CNBD1: variants seen among roughly 807,000 people sequenced by gnomAD.
The protein encoded by CNBD1 is cyclic nucleotide-binding domain-containing protein 1.
CNBD1 carries 71 observed loss-of-function variants against 54.4 expected under a neutral mutation model. The observed-to-expected ratio is 1.30, with a 90% CI of 1.08 to 1.59. The LOEUF (loss-of-function observed/expected upper bound fraction) is 1.59. Among genes scored for constraint, CNBD1 ranks in the 40% most tolerant of loss-of-function variants. The pLI is 0.00. For synonymous variants in CNBD1, 182 were observed against 170.7 expected (o/e 1.07, Z -0.51); for missense variants, 659 against 518.0 (o/e 1.27, Z -2.64).
intron 8 of CNBD1, among the ~76,000 whole-genome samples, chr8:87,347,898 C>T (rs1195290119): frequency 6.6e-6 from 1 of 152,182 alleles, no homozygotes; most frequent in African/African-American, 2.4e-5. Context: ...CTGATAATTT[C>T]TGTGACTAAT....
At chr8:86,882,352 G>C (rs1415512515) in intron 1 of CNBD1, among the ~76,000 whole-genome samples, 1 of 152,096 alleles carries the variant, frequency 6.6e-6, no homozygotes, top group Non-Finnish European at 1.5e-5. Context: ...GCATTAAAAA[G>C]TGGGCAAAGG....
chr8:87,363,126 A>G (rs942638252), intron 10 of CNBD1, among the ~76,000 whole-genome samples: 3 of 152,002 alleles, frequency 2.0e-5, no homozygotes, highest in Admixed American at 6.6e-5. Flanking sequence ...TTGTTGTGTT[A>G]GTTTGCTGAA....
intron 4 of CNBD1, among the ~76,000 whole-genome samples, chr8:86,955,285 A>C (rs1447706831): frequency 6.6e-6 from 1 of 152,162 alleles, no homozygotes; most frequent in Admixed American, 6.5e-5. Context: ...TAGTGCCCCA[A>C]AAAACATACG....
chr8:86,961,399 C>A (rs1220995525), intron 4 of CNBD1, among the ~76,000 whole-genome samples: 1 of 152,212 alleles, frequency 6.6e-6, no homozygotes, highest in Non-Finnish European at 1.5e-5. Context: ...AAACAGGCCC[C>A]CTGCTTAGAA....
At chr8:87,014,823 G>T (rs748292016) in intron 4 of CNBD1, among the ~76,000 whole-genome samples, 4 of 151,490 alleles carry the variant, frequency 2.6e-5, no homozygotes, top group South Asian at 2.1e-4. Context: ...AATAATAGAT[G>T]CAAAGAAAGT....
intron 2 of CNBD1, among the ~76,000 whole-genome samples, chr8:86,893,151 G>A (rs1808798232): frequency 6.6e-6 from 1 of 152,126 alleles, no homozygotes. Context: ...GAAAATGTGG[G>A]CAGAGATAGG....
At chr8:87,005,015 TG>T (rs553888206) in intron 4 of CNBD1, among the ~76,000 whole-genome samples, 1 of 152,188 alleles carries the variant, frequency 6.6e-6, no homozygotes, top group South Asian at 2.1e-4. Context: ...AATAGTTTGC[TG>T]CATGATTTAA....
chr8:86,916,651 CTA>C (rs1204955302), intron 3 of CNBD1, among the ~76,000 whole-genome samples: 1 of 151,942 alleles, frequency 6.6e-6, no homozygotes, highest in Admixed American at 6.6e-5. Context: ...AGGTTTTTTT[CTA>C]TCTTTTGGGA....
chr8:87,194,154 A>T (rs1431765), intron 4 of CNBD1, among the ~76,000 whole-genome samples: 2 of 151,940 alleles, frequency 1.3e-5, no homozygotes, highest in African/African-American at 4.8e-5. Flanking sequence ...TTGAATCATC[A>T]CAAAAAATGG....
chr8:87,163,627 T>A lies in CNBD1; in HGVS notation c.432-42366T>A, dbSNP rs1224721378. Among the ~76,000 whole-genome samples, 1 of 151,918 alleles carries A rather than the reference T, an allele frequency of 6.6e-6. No individual in the cohort carries two copies. The highest frequency in any genetic ancestry group is 1.5e-5 in the Non-Finnish European group (1 of 67,914). The stretch of plus-strand genomic sequence containing the variant: ...TTTTTTCAGATATTTTGTTAGTGTA[T>A]GAAAATGCAACTGATATTTGTAGGT... On this transcript the variant is annotated intron_variant, in intron 4 of 10. Transcript: ENST00000518476. The surrounding 1 kb of genome is among the most constrained non-coding windows in gnomAD (Gnocchi z 4.5).
At chr8:87,301,944 T>G (rs1403265487) in intron 8 of CNBD1, among the ~76,000 whole-genome samples, 2 of 152,060 alleles carry the variant, frequency 1.3e-5, no homozygotes, top group East Asian at 3.9e-4. Flanking sequence ...CCAGGAAGAA[T>G]TTGAATCTCT....
intron 2 of CNBD1, among the ~76,000 whole-genome samples, chr8:87,414,289 A>T (rs540626493): frequency 6.6e-6 from 1 of 151,818 alleles, no homozygotes; most frequent in Non-Finnish European, 1.5e-5. Context: ...ACCAAACACC[A>T]CATGTTCTCA....
intron 8 of CNBD1, among the ~76,000 whole-genome samples, chr8:87,305,071 G>T (rs1809112875): frequency 1.3e-5 from 2 of 152,108 alleles, no homozygotes; most frequent in Non-Finnish European, 2.9e-5. Context: ...CTGGGTACAA[G>T]ATTAATGTGC....
chr8:87,172,548 GGTGCTCCAATGTTAC>G (rs1467341647), intron 4 of CNBD1, among the ~76,000 whole-genome samples: 1 of 150,924 alleles, frequency 6.6e-6, no homozygotes, highest in Non-Finnish European at 1.5e-5. Flanking sequence ...TATATATCTT[GGTGCTCCAATGTTAC>G]GTGTATATAT....
At chr8:87,369,465 A>G (rs1307270499) in intron 10 of CNBD1, among the ~76,000 whole-genome samples, 1 of 152,040 alleles carries the variant, frequency 6.6e-6, no homozygotes, top group East Asian at 1.9e-4. Context: ...TTCTGTCTGA[A>G]GATCTTATTT....
At chr8:87,139,454 C>T in intron 4 of CNBD1, among the ~76,000 whole-genome samples, 1 of 152,090 alleles carries the variant, frequency 6.6e-6, no homozygotes, top group East Asian at 1.9e-4. Context: ...GAAAGAGAAC[C>T]CAGGAAGCCA....
At chr8:87,399,859 G>C (rs1807516466) in intron 2 of CNBD1, among the ~76,000 whole-genome samples, 2 of 151,892 alleles carry the variant, frequency 1.3e-5, no homozygotes. Flanking sequence ...GAGTAACCCA[G>C]AACCATCACT....
chr8:87,045,015 G>C (rs1398136021), intron 4 of CNBD1, among the ~76,000 whole-genome samples: 1 of 152,112 alleles, frequency 6.6e-6, no homozygotes, highest in Non-Finnish European at 1.5e-5. Context: ...TTCAGGATAA[G>C]AGACCCTAAC....
chr8:87,240,806 C>G lies in CNBD1; in HGVS notation c.771+3694C>G, dbSNP rs563883466. ...AGGGTGTTTCCCCTCCTGCAGTTCC[C>G]TGGAGCTGGTGTTGCCTCCTAGAGG... is the stretch of plus-strand genomic sequence containing the variant. On this transcript the variant is annotated intron_variant, in intron 6 of 10. Coordinates refer to ENST00000518476, the MANE Select transcript of CNBD1 (RefSeq NM_173538.3). 2.0e-5 allele frequency among the ~76,000 whole-genome samples: 3 copies of G among 152,206 alleles called. No homozygotes were observed. The East Asian group carries it at 5.8e-4, about 29-fold the overall frequency.
Sources: gnomAD v4.1 joint callset for allele counts (sites outside exome capture counted in the v4.1 genomes callset) on GRCh38, gnomAD v4.1.1 for gene constraint, Gnocchi (gnomAD v3.1) non-coding constraint, MANE v1.5 for transcripts, NCBI Gene and HGNC (gene_info 2026-07-23, HGNC 2026-07-21) for gene names.